NEDD4L: variants seen among roughly 807,000 people sequenced by gnomAD.
NEDD4L encodes the protein NEDD4 like E3 ubiquitin protein ligase.
In NEDD4L, 54 loss-of-function variants were observed where a neutral mutation model predicts 148.9. The ratio of observed to expected loss-of-function variants is 0.36; its 90% CI spans 0.29 to 0.45. NEDD4L has a LOEUF of 0.45. Among genes scored for constraint, NEDD4L ranks in the 20% least tolerant of loss-of-function variants. NEDD4L has a pLI of 1.00. For synonymous variants in NEDD4L, 433 were observed against 440.7 expected (o/e 0.98, Z 0.22); for missense variants, 856 against 1,233.8 (o/e 0.69, Z 4.59).
Position 58,256,883 on chromosome 18 carries a change from C to T in NEDD4L, c.297+4829C>T, listed in dbSNP as rs1166301254. The T allele has an allele frequency of 1.0e-6, 1 of 1,001,034 alleles. No homozygotes were observed. The highest frequency in any genetic ancestry group is 1.7e-5 in the African/African-American group (1 of 59,868). 62.0% of individuals were successfully genotyped at this position (1,001,034 alleles called of 1,614,324 possible). A position where few individuals can be genotyped will look rare whatever the true frequency, so the allele number is the denominator to read the frequency against. ...CTCTGTTCCGGGAGTTTCCCTGCTT[C>T]AGGCCAGTGGATCTGAATGTTTGGC... On this transcript the variant is annotated intron_variant, in intron 5 of 30. Transcript: ENST00000400345. This position sits in a 1 kb window ranked among gnomAD's most constrained non-coding sequence, Gnocchi z 5.2.
At chr18:58,380,007 G>A (rs1395642720) in intron 24 of NEDD4L, among the ~76,000 whole-genome samples, 1 of 152,050 alleles carries the variant, frequency 6.6e-6, no homozygotes, top group African/African-American at 2.4e-5. Flanking sequence ...CCCACAGGAT[G>A]ATTTACTGCT....
At chr18:58,217,732 G>A (rs1029310209) in intron 2 of NEDD4L, among the ~76,000 whole-genome samples, 2 of 152,066 alleles carry the variant, frequency 1.3e-5, no homozygotes, top group African/African-American at 4.8e-5. Flanking sequence ...TCTACCTGTA[G>A]AGCCAAATAG....
chr18:58,335,577 G>A (rs375637189), intron 13 of NEDD4L, 40 bp downstream of exon 13: 16 of 1,490,152 alleles, frequency 1.1e-5, no homozygotes, highest in Admixed American at 1.7e-5. Flanking sequence ...GCAAGAGGCC[G>A]TGAGGCAGTT....
intron 1 of NEDD4L, among the ~76,000 whole-genome samples, chr18:58,051,957 T>G (rs2081891582): frequency 6.6e-6 from 1 of 152,204 alleles, no homozygotes; most frequent in African/African-American, 2.4e-5. Flanking sequence ...TATTTCATTT[T>G]CAGACTATAG....
intron 16 of NEDD4L, among the ~76,000 whole-genome samples, chr18:58,348,644 TGA>T (rs765417537): frequency 6.6e-6 from 1 of 152,130 alleles, no homozygotes; most frequent in African/African-American, 2.4e-5. Flanking sequence ...TCTACATAAG[TGA>T]GAGTCAGCTC....
intron 5 of NEDD4L, among the ~76,000 whole-genome samples, chr18:58,285,173 T>G (rs1439175397): frequency 1.3e-5 from 2 of 152,158 alleles, no homozygotes; most frequent in African/African-American, 2.4e-5. Flanking sequence ...TGCTACTGCT[T>G]GTAAAGCCCT....
intron 1 of NEDD4L, among the ~76,000 whole-genome samples, chr18:58,066,807 GA>G (rs1230024227): frequency 6.6e-6 from 1 of 152,142 alleles, no homozygotes; most frequent in African/African-American, 2.4e-5. Flanking sequence ...TCAGGAGGAA[GA>G]GGGGTGGGGT....
rs543032751 is a variant in NEDD4L at position 58,332,423 on chromosome 18, G to A, written c.991-1395G>A. Among the ~76,000 whole-genome samples, 12 of 152,242 alleles carry A rather than the reference G, an allele frequency of 7.9e-5. No individual in the cohort carries two copies. The South Asian group carries it at 8.3e-4, about 11-fold the overall frequency. On this transcript the variant is annotated intron_variant, in intron 11 of 30. Coordinates refer to ENST00000400345, the MANE Select transcript of NEDD4L (RefSeq NM_001144967.3). ...AGCACTTTGAGAGGCTGAAGCAGGCGGATCACCTGAGGTCAGGAGTTCAAG... is the reference window on the plus strand; with the variant it reads ...AGCACTTTGAGAGGCTGAAGCAGGCAGATCACCTGAGGTCAGGAGTTCAAG...
At chr18:58,094,013 C>T (rs1185306966) in intron 1 of NEDD4L, among the ~76,000 whole-genome samples, 1 of 152,106 alleles carries the variant, frequency 6.6e-6, no homozygotes, top group Non-Finnish European at 1.5e-5. Context: ...CCTCATTACA[C>T]TGCCACAGAT....
chr18:58,300,879 T>G (rs2056370540), intron 5 of NEDD4L, among the ~76,000 whole-genome samples: 1 of 152,220 alleles, frequency 6.6e-6, no homozygotes, highest in African/African-American at 2.4e-5. Context: ...ATTTACAGAT[T>G]ATTAGAGAAT....
intron 5 of NEDD4L, among the ~76,000 whole-genome samples, chr18:58,287,094 CTT>C (rs577731926): frequency 5.1e-5 from 7 of 136,476 alleles, no homozygotes; most frequent in African/African-American, 8.1e-5. Context: ...ACTTCTTTTT[CTT>C]TTTTTTTTTT....
rs1219413075 is a variant in NEDD4L at position 58,260,698 on chromosome 18, A to G, written c.297+8644A>G. Among the ~76,000 whole-genome samples, 5 of 152,250 alleles carry G rather than the reference A, an allele frequency of 3.3e-5. No individual in the cohort carries two copies. The East Asian group carries it at 9.6e-4, about 29-fold the overall frequency. ...TTATGTGTGTGTGTATATTTGCACA[A>G]TTAAAAAGTATATGTTAAGCCAAAA... is the stretch of plus-strand genomic sequence containing the variant. On this transcript the variant is annotated intron_variant, in intron 5 of 30. Transcript: ENST00000400345.
intron 1 of NEDD4L, among the ~76,000 whole-genome samples, chr18:58,072,870 GCGCACACACACACA>G (rs1264325548): frequency 1.9e-4 from 20 of 106,508 alleles, no homozygotes; most frequent in South Asian, 6.4e-4. Flanking sequence ...GCGCGCGCGC[GCGCACACACACACA>G]CACACACACA....
chr18:58,269,889 A>G (rs1331754347), intron 5 of NEDD4L, among the ~76,000 whole-genome samples: 2 of 149,636 alleles, frequency 1.3e-5, no homozygotes, highest in Non-Finnish European at 1.5e-5. Flanking sequence ...ATAAACTTGC[A>G]TTCAAGCAAG....
At chr18:58,191,728 G>C (rs1320028636) in intron 2 of NEDD4L, among the ~76,000 whole-genome samples, 1 of 152,204 alleles carries the variant, frequency 6.6e-6, no homozygotes, top group Non-Finnish European at 1.5e-5. Context: ...CATATAATTG[G>C]TGATTTCAGA....
intron 5 of NEDD4L, among the ~76,000 whole-genome samples, chr18:58,284,972 G>A (rs1239234854): frequency 3.3e-5 from 5 of 152,070 alleles, no homozygotes; most frequent in African/African-American, 9.7e-5. Flanking sequence ...TGCTCTCCCC[G>A]TCCTCATCCA....
At position 58,256,508 on chromosome 18, in the gene NEDD4L, C is replaced by T; in HGVS notation, c.297+4454C>T. On this transcript the variant is annotated intron_variant, in intron 5 of 30. Transcript: ENST00000400345. This position sits in a 1 kb window ranked among gnomAD's most constrained non-coding sequence, Gnocchi z 5.2. ...GAGGAGCACCTCGTACCCCACGCAG[C>T]CCCGAAGCGAGCGAGGGAGCCCCAC... 2.4e-6 allele frequency: 3 copies of T among 1,232,270 alleles called. No homozygotes were observed. Among genetic ancestry groups the T allele is most frequent in the Non-Finnish European group, 3.0e-6 (3 of 988,064 alleles). 76.3% of individuals were successfully genotyped at this position (1,232,270 alleles called of 1,614,324 possible). A position where few individuals can be genotyped will look rare whatever the true frequency, so the allele number is the denominator to read the frequency against.
chr18:58,044,741 C>A (rs776641178), intron 1 of NEDD4L, 33 bp downstream of exon 1: 1 of 1,599,160 alleles, frequency 6.3e-7, no homozygotes, highest in African/African-American at 1.4e-5. Flanking sequence ...TCGGGACTCC[C>A]CGGGGAGTTC....
At chr18:58,385,625 T>C (rs368104236) in intron 26 of NEDD4L, 39 bp downstream of exon 26, 27 of 1,538,676 alleles carry the variant, frequency 1.8e-5, no homozygotes, top group Non-Finnish European at 2.4e-5. Flanking sequence ...CATGTGCCTC[T>C]GGTCCCGGGT....
Sources: gnomAD v4.1 joint callset for allele counts (sites outside exome capture counted in the v4.1 genomes callset) on GRCh38, gnomAD v4.1.1 for gene constraint, Gnocchi (gnomAD v3.1) non-coding constraint, MANE v1.5 for transcripts, NCBI Gene and HGNC (gene_info 2026-07-23, HGNC 2026-07-21) for gene names.